Variants in TOX2 observed in about 807,000 individuals in gnomAD.
The protein encoded by TOX2 is TOX high mobility group box family member 2, also known as granulosa cell HMG box 1.
A neutral mutation model predicts 47.4 loss-of-function variants in TOX2; 15 were observed. The observed-to-expected ratio is 0.32, with a 90% CI of 0.21 to 0.49. The LOEUF (loss-of-function observed/expected upper bound fraction) is 0.49, where lower values mean the gene tolerates loss of function less well. TOX2 is among the 20% of genes least tolerant of loss of function. The pLI, the probability that TOX2 is intolerant of heterozygous loss-of-function variation, is 0.99. For synonymous variants in TOX2, 290 were observed against 296.6 expected (o/e 0.98, Z 0.23); for missense variants, 622 against 673.1 (o/e 0.92, Z 0.84).
At chr20:43,992,807 A>G (rs1393489046) in intron 2 of TOX2, among the ~76,000 whole-genome samples, 1 of 151,698 alleles carries the variant, frequency 6.6e-6, no homozygotes, top group Non-Finnish European at 1.5e-5. Context: ...TGGCAGAGGT[A>G]ATGCTGGTTT....
intron 3 of TOX2, among the ~76,000 whole-genome samples, chr20:44,014,032 A>C (rs2070828291): frequency 6.6e-6 from 1 of 151,310 alleles, no homozygotes; most frequent in Non-Finnish European, 1.5e-5. Context: ...CGGGAAGCTG[A>C]AGCAAGAGAA....
At chr20:43,921,499 T>G (rs139252104) in intron 1 of TOX2, among the ~76,000 whole-genome samples, 2 of 152,328 alleles carry the variant, frequency 1.3e-5, no homozygotes, top group Non-Finnish European at 2.9e-5. Flanking sequence ...GCTTGAGGGT[T>G]GGAGACCATG....
At chr20:43,953,428 G>T (rs747547845) in intron 1 of TOX2, among the ~76,000 whole-genome samples, 17 of 152,172 alleles carry the variant, frequency 1.1e-4, no homozygotes, top group South Asian at 2.1e-4. Context: ...TCATGCACAG[G>T]CAGAGGTGTC....
At chr20:43,975,792 C>T (rs377129750) in intron 2 of TOX2, among the ~76,000 whole-genome samples, 3 of 151,998 alleles carry the variant, frequency 2.0e-5, no homozygotes, top group South Asian at 2.1e-4. Flanking sequence ...AAACTGTGAC[C>T]ACCATGGGGA....
At chr20:44,038,289 G>T (rs2071271808) in intron 3 of TOX2, among the ~76,000 whole-genome samples, 1 of 152,118 alleles carries the variant, frequency 6.6e-6, no homozygotes, top group Non-Finnish European at 1.5e-5. Flanking sequence ...CCAGCTACTT[G>T]GGAGGCTGAG....
At chr20:44,031,470 G>T (rs192371589) in intron 3 of TOX2, among the ~76,000 whole-genome samples, 3 of 152,194 alleles carry the variant, frequency 2.0e-5, no homozygotes, top group East Asian at 1.9e-4. Flanking sequence ...TGTTTGTCCC[G>T]CTGGACTTGG....
chr20:44,006,547 A>T lies in TOX2; in HGVS notation c.166A>T (p.Thr56Ser). 6.2e-7 allele frequency: 1 copy of T among 1,611,030 alleles called. No individual in the cohort carries two copies. Among genetic ancestry groups the T allele is most frequent in the Non-Finnish European group, 8.5e-7 (1 of 1,179,058 alleles). The change falls in exon 3 of 9, where the codon ACC (threonine) becomes TCC (serine). Residue 56 changes from threonine (T) to serine (S), a missense_variant and splice_region_variant. Thr to Ser is a moderately conservative substitution (Grantham distance 58). Coordinates refer to ENST00000341197, the MANE Select transcript of TOX2 (RefSeq NM_001098797.2). ...GNPELLSTSQ[T>S]YNGQSENNED... ...CCGACATGTCTTTTTGATGTTTTAG[A>T]CCTACAACGGCCAGAGCGAGAACAA...
intron 3 of TOX2, among the ~76,000 whole-genome samples, chr20:44,028,326 C>T (rs1171165243): frequency 6.6e-6 from 1 of 152,012 alleles, no homozygotes; most frequent in Non-Finnish European, 1.5e-5. Context: ...TAGTAGAGCC[C>T]CCAGCAGCAG....
chr20:43,935,331 T>C (rs80269668), intron 1 of TOX2, among the ~76,000 whole-genome samples: 1,543 of 152,294 alleles, frequency 0.01, 29 homozygotes, highest in African/African-American at 0.036. Flanking sequence ...TAAGCTATAG[T>C]CACAGCTTGG....
At chr20:44,004,949 G>A (rs2070652826) in intron 2 of TOX2, among the ~76,000 whole-genome samples, 1 of 152,182 alleles carries the variant, frequency 6.6e-6, no homozygotes, top group African/African-American at 2.4e-5. Flanking sequence ...AGAGCTAGAA[G>A]GAAGATATTG....
At chr20:43,946,202 C>G (rs1295646253) in intron 1 of TOX2, among the ~76,000 whole-genome samples, 1 of 152,202 alleles carries the variant, frequency 6.6e-6, no homozygotes, top group Non-Finnish European at 1.5e-5. Flanking sequence ...CTGCAGTTGG[C>G]AGCTCCTTCT....
intron 2 of TOX2, among the ~76,000 whole-genome samples, chr20:43,975,900 G>T (rs1473485566): frequency 2.0e-5 from 3 of 151,976 alleles, no homozygotes; most frequent in Non-Finnish European, 4.4e-5. Context: ...AATGAGTGAT[G>T]GTAGCCCCTG....
At chr20:44,029,796 C>A (rs893186250) in intron 3 of TOX2, among the ~76,000 whole-genome samples, 2 of 152,160 alleles carry the variant, frequency 1.3e-5, no homozygotes, top group African/African-American at 4.8e-5. Flanking sequence ...GTCATTGACT[C>A]TGGCTGTCTA....
In TOX2 at chr20:43,929,960, G is replaced by A. The variant is rs1015095736; in HGVS notation, c.99+14970G>A. Among the ~76,000 whole-genome samples the A allele has an allele frequency of 4.6e-5, 7 of 152,062 alleles. No individual in the cohort carries two copies. The South Asian group carries it at 6.2e-4, about 14-fold the overall frequency. On this transcript the variant is annotated intron_variant, in intron 1 of 8. Transcript: ENST00000341197. The stretch of plus-strand genomic sequence containing the variant: ...CCTGACATCATGATCCACCCGCCTC[G>A]GCCTCCCGAAGCGCTGGGATTACAG...
At chr20:43,967,512 A>C (rs983685678) in intron 1 of TOX2, among the ~76,000 whole-genome samples, 2 of 151,940 alleles carry the variant, frequency 1.3e-5, no homozygotes, top group Admixed American at 6.6e-5. Context: ...ACGCATCCCC[A>C]ACACCCATCT....
intron 2 of TOX2, among the ~76,000 whole-genome samples, chr20:43,975,108 A>G (rs2070053141): frequency 6.6e-6 from 1 of 152,240 alleles, no homozygotes; most frequent in African/African-American, 2.4e-5. Flanking sequence ...ATGTTTAAAT[A>G]GTATTTTTGT....
chr20:43,927,485 A>T (rs1178922847), intron 1 of TOX2, among the ~76,000 whole-genome samples: 1 of 149,684 alleles, frequency 6.7e-6, no homozygotes, highest in Non-Finnish European at 1.5e-5. Context: ...ACACACACAC[A>T]CACACACACA....
intron 2 of TOX2, among the ~76,000 whole-genome samples, chr20:43,986,869 C>T (rs554833474): frequency 6.6e-6 from 1 of 152,068 alleles, no homozygotes; most frequent in African/African-American, 2.4e-5. Flanking sequence ...AGTTCAAGAC[C>T]AGCCTGAGCA....
chr20:44,054,439 C>T lies in TOX2; in HGVS notation c.792C>T (p.Ile264=). The T allele has an allele frequency of 6.2e-7, 1 of 1,613,614 alleles. No individual in the cohort carries two copies. The highest frequency in any genetic ancestry group is 8.5e-7 in the Non-Finnish European group (1 of 1,179,752). ...TCTTCAGAGACACTCAGGCCGCCAT[C>T]AAGGGTCAGAACCCCAGTGCCACTT... is the stretch of plus-strand genomic sequence containing the variant. ...ALFFRDTQAA[I]KGQNPSATFG... is the part of the protein sequence containing the mutation. The change falls in exon 5 of 9, where the codon ATC becomes ATT. Residue 264 remains isoleucine, a synonymous_variant. Transcript: ENST00000341197.
Sources: gnomAD v4.1 joint callset for allele counts (sites outside exome capture counted in the v4.1 genomes callset) on GRCh38, gnomAD v4.1.1 for gene constraint, MANE v1.5 for transcripts, NCBI Gene and HGNC (gene_info 2026-07-23, HGNC 2026-07-21) for gene names.